CREM: variants seen among roughly 807,000 people sequenced by gnomAD.
CREM encodes cAMP responsive element modulator, also known as cAMP-responsive element modulator.
Under a neutral mutation model 37.3 loss-of-function variants are expected in CREM, and 13 were observed. The observed-to-expected ratio is 0.35, with a 90% CI of 0.23 to 0.55. CREM has a LOEUF of 0.55. CREM is among the 20% of genes least tolerant of loss of function. The probability of loss-of-function intolerance (pLI) is 0.88; values close to 1 mark genes in which losing one functional copy is unlikely to be tolerated. For synonymous variants in CREM, 124 were observed against 120.2 expected (o/e 1.03, Z -0.21); for missense variants, 296 against 362.3 (o/e 0.82, Z 1.49).
chr10:35,195,864 C>A, intron 6 of CREM: 5 of 580,618 alleles, frequency 8.6e-6, no homozygotes. Flanking sequence ...ACGTCAGCTC[C>A]GAGTCATGTT....
intron 7 of CREM, chr10:35,210,745 A>G (rs1171464681): frequency 1.3e-5 from 2 of 152,384 alleles, no homozygotes; most frequent in Non-Finnish European, 2.9e-5. Context: ...TGTGTCTTGC[A>G]GTCATGATTG....
intron 7 of CREM, chr10:35,210,339 A>G (rs2095638314): frequency 6.6e-6 from 1 of 152,212 alleles, no homozygotes; most frequent in South Asian, 2.1e-4. Flanking sequence ...AAAAAAAGAA[A>G]AAGAGAAAAT....
At chr10:35,207,170 A>T (rs2095546821) in intron 7 of CREM, 119 bp downstream of exon 7, 1 of 990,136 alleles carries the variant, frequency 1.0e-6, no homozygotes, top group African/African-American at 1.7e-5. Context: ...AGGCAGGCGG[A>T]TCACAGGGTC....
intron 5 of CREM, 92 bp downstream of exon 5, chr10:35,179,368 C>A: frequency 1.4e-6 from 2 of 1,452,388 alleles, no homozygotes; most frequent in South Asian, 3.0e-5. Context: ...TTAAATTGTT[C>A]CATTTTAAAA....
chr10:35,134,802 C>G (rs2090155601), intron 1 of CREM, among the ~76,000 whole-genome samples: 2 of 152,116 alleles, frequency 1.3e-5, no homozygotes, highest in Admixed American at 1.3e-4. Context: ...CTTTGGGAGG[C>G]CGAGGCAGGC....
chr10:35,191,325 A>T (rs1590268369), intron 6 of CREM, among the ~76,000 whole-genome samples: 1 of 152,176 alleles, frequency 6.6e-6, no homozygotes, highest in Admixed American at 6.5e-5. Flanking sequence ...AATTACTTCT[A>T]ATAATTTACT....
intron 3 of CREM, among the ~76,000 whole-genome samples, chr10:35,153,553 A>C (rs1010261214): frequency 6.6e-6 from 1 of 152,158 alleles, no homozygotes; most frequent in Non-Finnish European, 1.5e-5. Context: ...ACTCTTGGGA[A>C]TTGGTAACAC....
chr10:35,189,389 A>G (rs930181141), intron 6 of CREM, among the ~76,000 whole-genome samples: 7 of 152,200 alleles, frequency 4.6e-5, no homozygotes, highest in Non-Finnish European at 1.0e-4. Flanking sequence ...GATGTATTTA[A>G]TACAGCTTTC....
intron 6 of CREM, 94 bp downstream of exon 6, chr10:35,188,482 A>T: frequency 8.6e-7 from 1 of 1,161,656 alleles, no homozygotes; most frequent in Non-Finnish European, 1.2e-6. Flanking sequence ...AATAGATCGA[A>T]GGTAGATGGT....
chr10:35,171,614 T>C (rs1018835373), intron 3 of CREM, among the ~76,000 whole-genome samples: 5 of 152,238 alleles, frequency 3.3e-5, no homozygotes, highest in African/African-American at 4.8e-5. Context: ...CTGATTTCTT[T>C]GAAGCTGGGC....
At chr10:35,197,015 G>T (rs1564958611) in intron 6 of CREM, among the ~76,000 whole-genome samples, 2 of 151,802 alleles carry the variant, frequency 1.3e-5, no homozygotes, top group South Asian at 4.2e-4. Flanking sequence ...GACTACAGGC[G>T]CCCGCCTAAT....
chr10:35,155,069 A>G (rs2092813267), intron 3 of CREM, among the ~76,000 whole-genome samples: 1 of 152,198 alleles, frequency 6.6e-6, no homozygotes, highest in South Asian at 2.1e-4. Flanking sequence ...AGGTAATTTC[A>G]GGAAGTATAA....
At position 35,178,896 on chromosome 10, in the gene CREM, C is replaced by T. The variant is rs745990633; in HGVS notation, c.176C>T (p.Ala59Val). Residue 59 changes from alanine (A) to valine (V), a missense_variant, in exon 4 of 8, where the codon GCA becomes GTA. This residue lies in a region of CREM where 257 missense variants were observed against 280.2 expected (regional missense o/e 0.92). Transcript: ENST00000685392. The stretch of plus-strand genomic sequence containing the variant: ...GAAAATCTTGTATTATAGGTAGCAG[C>T]AATTGCAGAGACAGATGAATCTGCA... ...NSIPALAQVAAIAETDESAES... is the reference protein window; with the variant it reads ...NSIPALAQVAVIAETDESAES... 2.5e-6 allele frequency: 4 copies of T among 1,607,896 alleles called. No homozygotes were observed. In the South Asian group the frequency reaches 4.5e-5, roughly 18 times the overall value.
At chr10:35,170,046 T>C (rs1184605848) in intron 3 of CREM, among the ~76,000 whole-genome samples, 1 of 147,912 alleles carries the variant, frequency 6.8e-6, no homozygotes, top group Non-Finnish European at 1.5e-5. Context: ...CACTGCAAGC[T>C]CCATCTCCTG....
rs2095674062 is a variant in CREM, at chr10:35,212,265, T to C, written c.*867T>C. ...ATGAGAAGAATAGCCTAGATATGAA[T>C]ATATGGCATTTGCAGATTTTTATAT... On this transcript the variant is annotated 3_prime_UTR_variant, in exon 8 of 8. Transcript: ENST00000685392. 2 of 152,518 alleles carry C rather than the reference T, an allele frequency of 1.3e-5. No individual in the cohort carries two copies. The highest frequency in any genetic ancestry group is 4.8e-5 in the African/African-American group (2 of 41,398). The allele number at this position is 152,518 out of a possible 1,614,324, so 9.4% of individuals were successfully genotyped here.
At chr10:35,191,269 G>C (rs757911919) in intron 6 of CREM, among the ~76,000 whole-genome samples, 3 of 151,780 alleles carry the variant, frequency 2.0e-5, no homozygotes, top group Admixed American at 6.6e-5. Flanking sequence ...AGAGAAATAC[G>C]GATTATTTTA....
chr10:35,195,349 T>C (rs765701010), intron 6 of CREM: 35 of 849,224 alleles, frequency 4.1e-5, no homozygotes, highest in Non-Finnish European at 6.2e-5. Flanking sequence ...TTTTGAAATA[T>C]ACATCTATAT....
At chr10:35,161,367 C>T (rs921025764) in intron 3 of CREM, among the ~76,000 whole-genome samples, 15 of 151,822 alleles carry the variant, frequency 9.9e-5, no homozygotes, top group Non-Finnish European at 1.8e-4. Flanking sequence ...TGGTGGCAGG[C>T]GCCTGTAATC....
At position 35,212,510 on chromosome 10, in the gene CREM, A is replaced by G. The variant is rs2295415; in HGVS notation, c.*1112A>G. ...TATTACCTAATGAAAGTGATGACAT[A>G]TTTTTTATATCTGGAATGAGCCTGT... On this transcript the variant is annotated 3_prime_UTR_variant, in exon 8 of 8. Transcript: ENST00000685392. The G allele has an allele frequency of 0.19, 29,666 of 152,618 alleles. 2,950 individuals are homozygous for G. The highest frequency in any genetic ancestry group is 0.23 in the East Asian group (1,241 of 5,316). 9.5% of individuals were successfully genotyped at this position (152,618 alleles called of 1,614,324 possible).
Sources: allele counts gnomAD v4.1 joint callset (sites outside exome capture counted in the v4.1 genomes callset), GRCh38; gene constraint gnomAD v4.1.1; regional missense constraint gnomAD v4.1.1; transcripts MANE v1.5; gene names NCBI Gene and HGNC (gene_info 2026-07-23, HGNC 2026-07-21).